The following PI15 variants were observed in gnomAD, a reference collection of about 807,000 sequenced individuals.
PI15 encodes the protein peptidase inhibitor 15.
Under a neutral mutation model 31.0 loss-of-function variants are expected in PI15, and 18 were observed. The observed-to-expected ratio is 0.58, with a 90% CI of 0.40 to 0.86. The LOEUF is 0.86. PI15 is among the 40% of genes least tolerant of loss of function. PI15 has a pLI of 0.00. For synonymous variants in PI15, 118 were observed against 119.1 expected (o/e 0.99, Z 0.06); for missense variants, 282 against 328.1 (o/e 0.86, Z 1.09).
intron 2 of PI15, among the ~76,000 whole-genome samples, chr8:74,833,331 A>G (rs1810815103): frequency 6.6e-6 from 1 of 152,154 alleles, no homozygotes; most frequent in African/African-American, 2.4e-5. Flanking sequence ...GGATCTACAG[A>G]GATGAATTAA....
intron 2 of PI15, among the ~76,000 whole-genome samples, chr8:74,832,276 C>T (rs939576569): frequency 1.3e-5 from 2 of 152,036 alleles, no homozygotes; most frequent in South Asian, 2.1e-4. Flanking sequence ...AAATAAAGAG[C>T]AGAATTCTGG....
At chr8:74,836,506 G>A (rs536484539) in intron 2 of PI15, among the ~76,000 whole-genome samples, 22 of 152,200 alleles carry the variant, frequency 1.4e-4, no homozygotes, top group Admixed American at 5.9e-4. Flanking sequence ...GCTTTGATCC[G>A]TGGGACTGGA....
chr8:74,837,336 A>G (rs1208982929), intron 2 of PI15, among the ~76,000 whole-genome samples: 2 of 152,074 alleles, frequency 1.3e-5, no homozygotes, highest in Non-Finnish European at 2.9e-5. Context: ...AAATTCTCCT[A>G]TGAAAGCCCT....
At chr8:74,839,758 A>C (rs1810918457) in intron 2 of PI15, among the ~76,000 whole-genome samples, 1 of 152,186 alleles carries the variant, frequency 6.6e-6, no homozygotes, top group South Asian at 2.1e-4. Flanking sequence ...TTTACTAGGC[A>C]TTTCACAGAA....
chr8:74,833,261 A>ATTGT (rs1810813808), intron 2 of PI15, among the ~76,000 whole-genome samples: 1 of 152,174 alleles, frequency 6.6e-6, no homozygotes, highest in South Asian at 2.1e-4. Flanking sequence ...AAGTGGGATG[A>ATTGT]TTGTTAGACT....
intron 5 of PI15, among the ~76,000 whole-genome samples, chr8:74,847,548 C>T (rs1028806742): frequency 1.3e-5 from 2 of 151,954 alleles, no homozygotes; most frequent in Admixed American, 1.3e-4. Flanking sequence ...CCCCTTGAAC[C>T]TTTCTGAGCA....
chr8:74,844,966 A>AT lies in PI15; in HGVS notation c.393-161dup, dbSNP rs1487391124. 1.0e-4 allele frequency: 65 copies of AT among 623,156 alleles called. No homozygotes were observed. In the Middle Eastern group the frequency reaches 1.2e-3, roughly 12 times the overall value. 38.6% of individuals were successfully genotyped at this position (623,156 alleles called of 1,614,324 possible). ...TCCATGCTTGGCCCTAGTTGGAGGAATAGAGGACCCGACTAGGTGGTGATG... is the reference window on the plus strand; with the variant it reads ...TCCATGCTTGGCCCTAGTTGGAGGAATTAGAGGACCCGACTAGGTGGTGATG... On this transcript the variant is annotated intron_variant, in intron 3 of 5. Coordinates refer to ENST00000260113, the MANE Select transcript of PI15 (RefSeq NM_015886.5).
intron 2 of PI15, among the ~76,000 whole-genome samples, chr8:74,836,328 C>T (rs1672440580): frequency 1.3e-5 from 2 of 152,026 alleles, no homozygotes; most frequent in East Asian, 1.9e-4. Context: ...TTGTCATTCA[C>T]GGATACCAGG....
In PI15 at chr8:74,841,501, A is replaced by T. The variant is rs190968240; in HGVS notation, c.274-2480A>T. On this transcript the variant is annotated intron_variant, in intron 2 of 5. Coordinates refer to ENST00000260113, the MANE Select transcript of PI15 (RefSeq NM_015886.5). ...TTAGTCACTGATCCAGGTCAGCGCT[A>T]TGTGTGCATGTTGTGCTAATATTTT... 1.2e-3 allele frequency among the ~76,000 whole-genome samples: 187 copies of T among 152,338 alleles called. 2 individuals carry two copies. Among genetic ancestry groups the T allele is most frequent in the Admixed American group, 8.0e-3 (123 of 15,304 alleles).
At chr8:74,840,656 G>C (rs1810931757) in intron 2 of PI15, among the ~76,000 whole-genome samples, 1 of 152,162 alleles carries the variant, frequency 6.6e-6, no homozygotes, top group Admixed American at 6.6e-5. Flanking sequence ...AGACAGAAAG[G>C]CAAGAAAGAG....
chr8:74,844,994 G>A (rs537557000), intron 3 of PI15, 134 bp from the exon 4 acceptor site: 4 of 735,324 alleles, frequency 5.4e-6, no homozygotes, highest in East Asian at 5.1e-5. Context: ...TGGTGATGGT[G>A]ATTGTGAGGG....
chr8:74,824,834 G>C (rs1810668465), intron 1 of PI15, 159 bp downstream of exon 1: 1 of 183,232 alleles, frequency 5.5e-6, no homozygotes, highest in South Asian at 1.3e-4. Flanking sequence ...CACATTCTCT[G>C]TTGTTACCTG....
Position 74,848,714 on chromosome 8 carries a change from AATATAT to A in PI15, c.642-390_642-385del, listed in dbSNP as rs148483473. On this transcript the variant is annotated intron_variant, in intron 5 of 5. Transcript: ENST00000260113. ...TATAAATATATATACAATATATATAAATATATATATATATATATAGAGAGAGAGAGA... is the reference window on the plus strand; with the variant it reads ...TATAAATATATATACAATATATATAAATATATATATATAGAGAGAGAGAGA... Among the ~76,000 whole-genome samples, 176 of 142,776 alleles carry A rather than the reference AATATAT, an allele frequency of 1.2e-3. 1 individual carries two copies. Among genetic ancestry groups the A allele is most frequent in the African/African-American group, 4.4e-3 (171 of 38,548 alleles). The allele number at this position is 142,776 out of a possible 152,430, so 93.7% of individuals were successfully genotyped here. A position where few individuals can be genotyped will look rare whatever the true frequency, so the allele number is the denominator to read the frequency against.
intron 2 of PI15, among the ~76,000 whole-genome samples, chr8:74,830,136 G>A (rs907614604): frequency 1.3e-5 from 2 of 152,116 alleles, no homozygotes; most frequent in East Asian, 1.9e-4. Context: ...AGGAAGAACC[G>A]CACAGCTGCT....
At chr8:74,827,107 A>G (rs1184684550) in intron 2 of PI15, among the ~76,000 whole-genome samples, 1 of 152,128 alleles carries the variant, frequency 6.6e-6, no homozygotes, top group Non-Finnish European at 1.5e-5. Flanking sequence ...TAGCAATCAC[A>G]TGACTCTAAA....
rs1048532931 is a variant in PI15 at position 74,851,908 on chromosome 8, T to C, written c.*2655T>C. On this transcript the variant is annotated 3_prime_UTR_variant, in exon 6 of 6. Transcript: ENST00000260113. ...TAATTTAACAACTCAGCTGAAAATA[T>C]AACGGGTATATTTGTTATTCTAACT... is the stretch of plus-strand genomic sequence containing the variant. 3.9e-5 allele frequency: 6 copies of C among 152,160 alleles called. No homozygotes were observed. Among genetic ancestry groups the C allele is most frequent in the Non-Finnish European group, 5.9e-5 (4 of 67,958 alleles). The allele number at this position is 152,160 out of a possible 1,614,324, so 9.4% of individuals were successfully genotyped here. A position where few individuals can be genotyped will look rare whatever the true frequency, so the allele number is the denominator to read the frequency against.
Position 74,849,406 on chromosome 8 carries a change from C to A in PI15, c.*153C>A. 1.9e-6 allele frequency: 1 copy of A among 527,512 alleles called. No individual in the cohort carries two copies. The allele number at this position is 527,512 out of a possible 1,614,324, so 32.7% of individuals were successfully genotyped here. On this transcript the variant is annotated 3_prime_UTR_variant, in exon 6 of 6. Coordinates refer to ENST00000260113, the MANE Select transcript of PI15 (RefSeq NM_015886.5). Reference sequence around the variant, plus strand: ...TTTGTATAAATTAGTGTTTGTCTAGCATGTTTGTTTAATCCTTTGAAATAT... The same window carrying A: ...TTTGTATAAATTAGTGTTTGTCTAGAATGTTTGTTTAATCCTTTGAAATAT...
chr8:74,832,665 A>G (rs1810803666), intron 2 of PI15, among the ~76,000 whole-genome samples: 1 of 152,104 alleles, frequency 6.6e-6, no homozygotes, highest in Non-Finnish European at 1.5e-5. Flanking sequence ...ATAAACTAAC[A>G]GTTTAAAATG....
At chr8:74,826,351 CA>C (rs1810700068) in intron 2 of PI15, 34 of 910,504 alleles carry the variant, frequency 3.7e-5, no homozygotes, top group Non-Finnish European at 4.3e-5. Flanking sequence ...ATGGTATTTC[CA>C]AATTGGGGTG....
Sources: gnomAD v4.1 joint callset for allele counts (sites outside exome capture counted in the v4.1 genomes callset) on GRCh38, gnomAD v4.1.1 for gene constraint, MANE v1.5 for transcripts, NCBI Gene and HGNC (gene_info 2026-07-23, HGNC 2026-07-21) for gene names.